TFDP1: variants seen among roughly 807,000 people sequenced by gnomAD.
TFDP1 encodes the protein transcription factor Dp-1, also known as DRTF1-polypeptide 1.
A neutral mutation model predicts 48.0 loss-of-function variants in TFDP1; 6 were observed. The ratio of observed to expected loss-of-function variants is 0.13; its 90% CI spans 0.07 to 0.25. TFDP1 has a LOEUF of 0.25. Ranked by LOEUF, TFDP1 falls within the 10% of genes least tolerant of loss-of-function variation. TFDP1 has a pLI of 1.00. For synonymous variants in TFDP1, 201 were observed against 211.6 expected (o/e 0.95, Z 0.44); for missense variants, 335 against 543.0 (o/e 0.62, Z 3.81).
chr13:113,636,311 C>T (rs1252624067), intron 9 of TFDP1, among the ~76,000 whole-genome samples, 183 bp downstream of exon 9: 1 of 152,236 alleles, frequency 6.6e-6, no homozygotes, highest in Non-Finnish European at 1.5e-5. Context: ...GTCTCTGTTC[C>T]GGGAGCGTGT....
chr13:113,637,882 A>G lies in TFDP1; in HGVS notation c.1071A>G (p.Thr357=), dbSNP rs766227187. The part of the protein sequence containing the change: ...ITTAGSTSNG[T]RFSASDLTNG... ...CGGCAGGTTCCACGTCTAACGGCAC[A>G]AGGTTCTCTGCCAGGTGACAGTCGT... Residue 357 remains threonine (T), a synonymous_variant, in exon 11 of 12, where the codon ACA becomes ACG. Transcript: ENST00000375370. 5.0e-6 allele frequency: 8 copies of G among 1,613,532 alleles called. No individual in the cohort carries two copies. In the South Asian group the frequency reaches 6.6e-5, roughly 13 times the overall value.
rs1333165697 is a variant in TFDP1 at position 113,640,464 on chromosome 13, C to G, written c.*197C>G. On this transcript the variant is annotated 3_prime_UTR_variant, in exon 12 of 12. Coordinates refer to ENST00000375370, the MANE Select transcript of TFDP1 (RefSeq NM_007111.5). Reference sequence around the variant, plus strand: ...CGTGCTGTGGATGTGTGTTTTGATACCAGTGTGCTGATGCAGAGCGTTTAT... The same window carrying G: ...CGTGCTGTGGATGTGTGTTTTGATAGCAGTGTGCTGATGCAGAGCGTTTAT... 1 of 789,288 alleles carries G rather than the reference C, an allele frequency of 1.3e-6. No homozygotes were observed. The allele number at this position is 789,288 out of a possible 1,614,324, so 48.9% of individuals were successfully genotyped here. A position where few individuals can be genotyped will look rare whatever the true frequency, so the allele number is the denominator to read the frequency against.
chr13:113,622,040 C>T (rs1202005848), intron 3 of TFDP1, among the ~76,000 whole-genome samples: 1 of 152,138 alleles, frequency 6.6e-6, no homozygotes, highest in Non-Finnish European at 1.5e-5. Context: ...TTCTCTTTGC[C>T]TCCTCTCTCT....
intron 3 of TFDP1, among the ~76,000 whole-genome samples, chr13:113,619,020 C>T (rs1183846186): frequency 8.6e-5 from 13 of 152,006 alleles, no homozygotes; most frequent in Non-Finnish European, 1.5e-4. Context: ...AGGGCAGACT[C>T]GGGGGGAGGC....
intron 2 of TFDP1, among the ~76,000 whole-genome samples, chr13:113,601,761 A>G (rs1292285844): frequency 6.6e-6 from 1 of 152,260 alleles, no homozygotes; most frequent in Non-Finnish European, 1.5e-5. Flanking sequence ...AACAGCCAAA[A>G]GGGAGGAGCA....
chr13:113,619,020 CG>C (rs941754831), intron 3 of TFDP1, among the ~76,000 whole-genome samples: 2 of 152,006 alleles, frequency 1.3e-5, no homozygotes, highest in South Asian at 2.1e-4. Context: ...AGGGCAGACT[CG>C]GGGGGAGGCT....
intron 2 of TFDP1, among the ~76,000 whole-genome samples, chr13:113,601,512 G>A (rs1011140156): frequency 6.6e-6 from 1 of 152,222 alleles, no homozygotes; most frequent in African/African-American, 2.4e-5. Context: ...TCTGGTGCTT[G>A]GTGGGAGCAG....
chr13:113,594,064 A>G (rs1456433261), intron 2 of TFDP1, among the ~76,000 whole-genome samples: 1 of 100,690 alleles, frequency 9.9e-6, no homozygotes, highest in African/African-American at 4.1e-5. Context: ...GGTGTGGTGT[A>G]CACGGGTCCT....
intron 2 of TFDP1, among the ~76,000 whole-genome samples, chr13:113,587,155 G>A (rs2048025673): frequency 6.6e-6 from 1 of 152,218 alleles, no homozygotes; most frequent in East Asian, 1.9e-4. Flanking sequence ...TGATTTCACT[G>A]GCACTGTCTG....
intron 2 of TFDP1, among the ~76,000 whole-genome samples, chr13:113,592,133 C>T (rs895512407): frequency 2.0e-5 from 3 of 152,140 alleles, no homozygotes; most frequent in Non-Finnish European, 2.9e-5. Flanking sequence ...TGCCTCTTCC[C>T]GTTAGTCTTT....
intron 8 of TFDP1, among the ~76,000 whole-genome samples, chr13:113,635,290 G>A (rs1349566796): frequency 6.6e-6 from 1 of 152,198 alleles, no homozygotes; most frequent in Non-Finnish European, 1.5e-5. Context: ...GGGACGGTGT[G>A]GCAGCCGTGG....
rs970705843 is a variant in TFDP1, at chr13:113,627,304, C to G, written c.186+4018C>G. 6.6e-6 allele frequency among the ~76,000 whole-genome samples: 1 copy of G among 152,160 alleles called. No individual in the cohort carries two copies. Among genetic ancestry groups the G allele is most frequent in the African/African-American group, 2.4e-5 (1 of 41,430 alleles). ...AAGCCTGTGGTGCTGCAGAGCTCAGCACGCGCACAGGAACGTGTGCGGGAC... is the reference window on the plus strand; with the variant it reads ...AAGCCTGTGGTGCTGCAGAGCTCAGGACGCGCACAGGAACGTGTGCGGGAC... On this transcript the variant is annotated intron_variant, in intron 4 of 11. Transcript: ENST00000375370. This position sits in a 1 kb window ranked among gnomAD's most constrained non-coding sequence, Gnocchi z 4.1.
At chr13:113,626,633 A>T (rs1219528357) in intron 4 of TFDP1, among the ~76,000 whole-genome samples, 6 of 152,292 alleles carry the variant, frequency 3.9e-5, no homozygotes. Flanking sequence ...GTGACAAAAA[A>T]CTTGCTCTGC....
At chr13:113,606,352 G>A (rs570305386) in intron 2 of TFDP1, among the ~76,000 whole-genome samples, 5 of 152,184 alleles carry the variant, frequency 3.3e-5, no homozygotes, top group Non-Finnish European at 4.4e-5. Flanking sequence ...CACAGCTCGG[G>A]AGCCTGGGAG....
In TFDP1 at chr13:113,607,819, A is replaced by T. The variant is rs2048606739; in HGVS notation, c.13-3177A>T. Among the ~76,000 whole-genome samples, 1 of 152,068 alleles carries T rather than the reference A, an allele frequency of 6.6e-6. No homozygotes were observed. Among genetic ancestry groups the T allele is most frequent in the Non-Finnish European group, 1.5e-5 (1 of 68,016 alleles). On this transcript the variant is annotated intron_variant, in intron 2 of 11. Transcript: ENST00000375370. This position sits in a 1 kb window ranked among gnomAD's most constrained non-coding sequence, Gnocchi z 5.2. ...TTTCCTGGGTGTGGGCTACTCAGGG[A>T]TTGCTGAGTTCCCATCCCAGCCGGA...
chr13:113,637,316 C>T (rs1594543070), intron 10 of TFDP1: 1 of 276,880 alleles, frequency 3.6e-6, no homozygotes, highest in South Asian at 3.5e-5. Context: ...AGATTTATTC[C>T]CTGAGAGGGT....
intron 2 of TFDP1, among the ~76,000 whole-genome samples, chr13:113,588,173 C>T (rs761710696): frequency 1.3e-5 from 2 of 152,214 alleles, no homozygotes; most frequent in Non-Finnish European, 2.9e-5. Context: ...TTTAAAAGCA[C>T]TGGTACTGCA....
intron 2 of TFDP1, among the ~76,000 whole-genome samples, chr13:113,602,423 G>A (rs370291968): frequency 2.0e-5 from 3 of 152,118 alleles, no homozygotes; most frequent in African/African-American, 7.2e-5. Context: ...TCCCGTGCTG[G>A]GGCCAGGAGG....
chr13:113,611,921 A>T (rs1223866365), intron 3 of TFDP1, among the ~76,000 whole-genome samples: 1 of 152,192 alleles, frequency 6.6e-6, no homozygotes, highest in African/African-American at 2.4e-5. Context: ...CGCAACATCC[A>T]CGTGGTCGCA....
Sources: gnomAD v4.1 joint callset for allele counts (sites outside exome capture counted in the v4.1 genomes callset) on GRCh38, gnomAD v4.1.1 for gene constraint, Gnocchi (gnomAD v3.1) non-coding constraint, MANE v1.5 for transcripts, NCBI Gene and HGNC (gene_info 2026-07-23, HGNC 2026-07-21) for gene names.